Variants in WWTR1 observed in about 807,000 individuals in gnomAD.
WWTR1 encodes the protein WW domain-containing transcription regulator protein 1.
WWTR1 carries 13 observed loss-of-function variants against 40.1 expected under a neutral mutation model. The ratio of observed to expected loss-of-function variants is 0.32; its 90% confidence interval spans 0.21 to 0.52. WWTR1 has a LOEUF of 0.52. Among genes scored for constraint, WWTR1 ranks in the 20% least tolerant of loss-of-function variants. WWTR1 has a pLI of 0.97. For missense variants in WWTR1, 436 were observed against 523.1 expected, an observed-to-expected ratio of 0.83 and a Z score of 1.63; for synonymous variants, 230 against 210.1, an observed-to-expected ratio of 1.09 and a Z score of -0.82.
intron 1 of WWTR1, among the ~76,000 whole-genome samples, chr3:149,679,317 T>C (rs1714378936): frequency 6.6e-6 from 1 of 152,230 alleles, no homozygotes; most frequent in South Asian, 2.1e-4. Context: ...TGCTTTATAA[T>C]TTCCACATCA....
At chr3:149,687,176 G>A (rs1714681885) in intron 1 of WWTR1, among the ~76,000 whole-genome samples, 1 of 152,092 alleles carries the variant, frequency 6.6e-6, no homozygotes, top group Non-Finnish European at 1.5e-5. Flanking sequence ...CAATTTTAGA[G>A]CTTACCTACT....
intron 2 of WWTR1, among the ~76,000 whole-genome samples, chr3:149,574,077 C>T (rs2108000093): frequency 6.6e-6 from 1 of 152,152 alleles, no homozygotes; most frequent in East Asian, 1.9e-4. Flanking sequence ...GTTACCCAGG[C>T]TGGAGTACAG....
In WWTR1 at chr3:149,656,908, G is replaced by A. The variant is rs1576627049; in HGVS notation, c.399C>T (p.Thr133=). Residue 133 remains threonine (T), a synonymous_variant, in exon 2 of 7, where the codon ACC becomes ACT. Coordinates refer to ENST00000360632, the MANE Select transcript of WWTR1 (RefSeq NM_015472.6). ...AGTACCTCTGGCCAGTGGCCGTGAA[G>A]GTCATCTCCCAGCCCGGGGGCAGTG... is the stretch of plus-strand genomic sequence containing the variant. ...ELPLPPGWEM[T]FTATGQRYFL... is the part of the protein sequence containing the mutation. 1.3e-6 allele frequency: 2 copies of A among 1,546,436 alleles called. No homozygotes were observed. The highest frequency in any genetic ancestry group is 8.7e-7 in the Non-Finnish European group (1 of 1,152,994).
intron 5 of WWTR1, among the ~76,000 whole-genome samples, chr3:149,716,532 C>T (rs1442024806): frequency 1.3e-5 from 2 of 151,968 alleles, no homozygotes; most frequent in South Asian, 4.1e-4. Context: ...TCTGAATATA[C>T]TGTGATTGAG....
At chr3:149,627,844 G>A (rs1740640792) in intron 2 of WWTR1, among the ~76,000 whole-genome samples, 1 of 152,066 alleles carries the variant, frequency 6.6e-6, no homozygotes, top group African/African-American at 2.4e-5. Flanking sequence ...AGGCCGAGAA[G>A]GGGCAGATCA....
At chr3:149,690,965 A>C (rs995132087) in intron 1 of WWTR1, among the ~76,000 whole-genome samples, 13 of 152,326 alleles carry the variant, frequency 8.5e-5, no homozygotes, top group African/African-American at 2.9e-4. Flanking sequence ...ATATAAACAC[A>C]TGGAAATTAA....
intron 1 of WWTR1, among the ~76,000 whole-genome samples, chr3:149,700,444 A>C (rs1444044480): frequency 6.6e-6 from 1 of 152,194 alleles, no homozygotes; most frequent in African/African-American, 2.4e-5. Flanking sequence ...GGGTGAATTA[A>C]TCTTAGCTCC....
intron 2 of WWTR1, 58 bp from the exon 3 acceptor site, chr3:149,573,058 A>T (rs943035430): frequency 2.9e-5 from 43 of 1,489,100 alleles, no homozygotes; most frequent in Non-Finnish European, 3.7e-5. Context: ...TATCATCATC[A>T]CCAACAACAG....
intron 2 of WWTR1, among the ~76,000 whole-genome samples, chr3:149,630,397 C>G (rs1711514784): frequency 6.6e-6 from 1 of 152,166 alleles, no homozygotes; most frequent in Non-Finnish European, 1.5e-5. Context: ...AGAAGAACAG[C>G]AACTTCTCTC....
chr3:149,523,523 C>T lies in WWTR1; in HGVS notation c.1018+2490G>A, dbSNP rs148518230. 7.9e-3 allele frequency among the ~76,000 whole-genome samples: 1,205 copies of T among 152,340 alleles called. 1 individual carries two copies. The highest frequency in any genetic ancestry group is 0.014 in the Non-Finnish European group (943 of 68,032). The stretch of plus-strand genomic sequence containing the variant: ...TCGGCCTACCAAAGTGCTGGGATTA[C>T]AGGTGTGAACCACCGTGCCCAGCCA... On this transcript the variant is annotated intron_variant, in intron 6 of 6. Transcript: ENST00000360632.
At chr3:149,633,399 A>G (rs1345495484) in intron 2 of WWTR1, among the ~76,000 whole-genome samples, 1 of 152,176 alleles carries the variant, frequency 6.6e-6, no homozygotes, top group South Asian at 2.1e-4. Flanking sequence ...AAAAAATAAA[A>G]TATATATGCA....
intron 4 of WWTR1, chr3:149,540,083 C>CAG: frequency 2.9e-5 from 1 of 34,028 alleles, no homozygotes; most frequent in Non-Finnish European, 5.2e-5. Context: ...CCTAACTACA[C>CAG]ACACACACAC....
chr3:149,595,991 A>C (rs1326750501), intron 2 of WWTR1, among the ~76,000 whole-genome samples: 5 of 152,168 alleles, frequency 3.3e-5, no homozygotes, highest in South Asian at 4.2e-4. Context: ...AGAGATCACC[A>C]CATCACTGCA....
chr3:149,684,776 C>T (rs1714584381), intron 1 of WWTR1, among the ~76,000 whole-genome samples: 1 of 152,072 alleles, frequency 6.6e-6, no homozygotes, highest in Admixed American at 6.5e-5. Context: ...GTTGCTCAGG[C>T]TGCTTTCGAA....
Position 149,523,274 on chromosome 3 carries a change from G to A in WWTR1, c.1019-2285C>T, listed in dbSNP as rs1189193878. 2.7e-5 allele frequency among the ~76,000 whole-genome samples: 4 copies of A among 150,220 alleles called. No individual in the cohort carries two copies. In the East Asian group the frequency reaches 7.8e-4, roughly 29 times the overall value. Reference sequence around the variant, plus strand: ...TTCTTTTTTTTTTTTTTGAGATGGAGTTTCGCTCTTGCTGCCCAAGCTAGA... The same window carrying A: ...TTCTTTTTTTTTTTTTTGAGATGGAATTTCGCTCTTGCTGCCCAAGCTAGA... On this transcript the variant is annotated intron_variant, in intron 6 of 6. Coordinates refer to ENST00000360632, the MANE Select transcript of WWTR1 (RefSeq NM_015472.6).
intron 2 of WWTR1, among the ~76,000 whole-genome samples, chr3:149,641,139 T>C (rs923861992): frequency 2.6e-5 from 4 of 152,294 alleles, no homozygotes; most frequent in African/African-American, 7.2e-5. Context: ...CAGACTTTAC[T>C]GTCACTGTAC....
intron 6 of WWTR1, among the ~76,000 whole-genome samples, chr3:149,521,573 T>C (rs1022731197): frequency 1.1e-4 from 16 of 152,190 alleles, no homozygotes; most frequent in Non-Finnish European, 2.2e-4. Flanking sequence ...AGGCTTTAAG[T>C]CTTAGAGTAA....
intron 3 of WWTR1, among the ~76,000 whole-genome samples, chr3:149,550,922 T>G (rs1736592018): frequency 6.9e-6 from 1 of 145,248 alleles, no homozygotes; most frequent in Non-Finnish European, 1.5e-5. Context: ...TCTTTTAGTT[T>G]TTTTTTTTCT....
At chr3:149,706,654 A>T (rs1355731587), upstream of WWTR1, among the ~76,000 whole-genome samples, 1 of 152,196 alleles carries the variant, frequency 6.6e-6, no homozygotes, top group Non-Finnish European at 1.5e-5. Flanking sequence ...AAAAAGGTGT[A>T]TCAGAACTCT....
Sources: gnomAD v4.1 joint callset for allele counts (sites outside exome capture counted in the v4.1 genomes callset) on GRCh38, gnomAD v4.1.1 for gene constraint, MANE v1.5 for transcripts, NCBI Gene and HGNC (gene_info 2026-07-23, HGNC 2026-07-21) for gene names.